Variants in FBN2 observed in about 807,000 individuals in gnomAD.
The protein encoded by FBN2 is fibrillin-2.
FBN2 carries 105 observed loss-of-function variants against 355.6 expected under a neutral mutation model. That is an observed-to-expected ratio of 0.30 (90% CI 0.25 to 0.35). FBN2 has a LOEUF of 0.35. Ranked by LOEUF, FBN2 falls within the 10% of genes least tolerant of loss-of-function variation. The probability of loss-of-function intolerance (pLI) is 1.00; values close to 1 mark genes in which losing one functional copy is unlikely to be tolerated. For synonymous variants in FBN2, 1,350 were observed against 1,301.2 expected (o/e 1.04, Z -0.81); for missense variants, 3,280 against 3,758.7 (o/e 0.87, Z 3.33).
At chr5:128,271,958 A>G in intron 62 of FBN2, 41 bp downstream of exon 62, 7 of 1,609,468 alleles carry the variant, frequency 4.3e-6, no homozygotes, top group Non-Finnish European at 6.0e-6. Context: ...AGACACTTTC[A>G]GGTGAGAAAA....
intron 64 of FBN2, among the ~76,000 whole-genome samples, chr5:128,260,652 T>C (rs1274932155): frequency 2.6e-5 from 4 of 152,214 alleles, no homozygotes; most frequent in African/African-American, 9.6e-5. Flanking sequence ...GATGAATATC[T>C]CAACTGTCAA....
chr5:128,536,594 A>C, intron 1 of FBN2, 110 bp from the exon 2 acceptor site: 1 of 776,554 alleles, frequency 1.3e-6, no homozygotes, highest in Non-Finnish European at 2.3e-6. Flanking sequence ...ACAACAAACA[A>C]ATCAAAATTA....
chr5:128,258,626 C>T lies in FBN2; in HGVS notation c.*829G>A, dbSNP rs1415789484. ...GTGTTGTGGGTAGCACATATGGTTC[C>T]TTGAGGTTATGAGAAGGAAATACAG... On this transcript the variant is annotated 3_prime_UTR_variant, in exon 65 of 65. Transcript: ENST00000262464. The T allele has an allele frequency of 6.6e-6, 1 of 152,520 alleles. No individual in the cohort carries two copies. Among genetic ancestry groups the T allele is most frequent in the Non-Finnish European group, 1.5e-5 (1 of 68,056 alleles). The allele number at this position is 152,520 out of a possible 1,614,324, so 9.4% of individuals were successfully genotyped here.
At chr5:128,265,496 C>CT (rs1301671826) in intron 62 of FBN2, among the ~76,000 whole-genome samples, 1 of 152,068 alleles carries the variant, frequency 6.6e-6, no homozygotes, top group African/African-American at 2.4e-5. Flanking sequence ...CTGACACATA[C>CT]TTTGAACTGA....
chr5:128,319,751 C>T (rs944765066), intron 34 of FBN2, among the ~76,000 whole-genome samples: 9 of 152,114 alleles, frequency 5.9e-5, no homozygotes, highest in African/African-American at 2.2e-4. Flanking sequence ...TTCCATGAGG[C>T]TTTAACTCAA....
chr5:128,466,514 T>C (rs1468143621), intron 5 of FBN2, among the ~76,000 whole-genome samples: 1 of 152,174 alleles, frequency 6.6e-6, no homozygotes, highest in Non-Finnish European at 1.5e-5. Flanking sequence ...TAGGAAGCCT[T>C]AGATATCATA....
At position 128,289,925 on chromosome 5, in the gene FBN2, T is replaced by C. The variant is rs761651783; in HGVS notation, c.6468A>G (p.Pro2156=). 10 of 1,605,058 alleles carry C rather than the reference T, an allele frequency of 6.2e-6. No homozygotes were observed. The highest frequency in any genetic ancestry group is 7.7e-6 in the Non-Finnish European group (9 of 1,171,964). The change falls in exon 51 of 65, where the codon CCA becomes CCG. Residue 2156 remains proline, a synonymous_variant. Coordinates refer to ENST00000262464, the MANE Select transcript of FBN2 (RefSeq NM_001999.4). ...GACTAGGGACAGTTCCATGGCCATA[T>C]GGACACAAATCCTGAAATGCAACTA... ...DDEVAFQDLC[P]YGHGTVPSLH...
intron 7 of FBN2, among the ~76,000 whole-genome samples, chr5:128,409,656 C>T (rs142864882): frequency 3.0e-4 from 45 of 152,206 alleles, no homozygotes; most frequent in Middle Eastern, 3.4e-3. Context: ...GAAAAATCCA[C>T]CCAAATTCCT....
intron 6 of FBN2, among the ~76,000 whole-genome samples, chr5:128,455,735 T>A (rs1754364677): frequency 6.6e-6 from 1 of 150,440 alleles, no homozygotes; most frequent in East Asian, 2.0e-4. Context: ...CTAAGGGAGG[T>A]CATGAGTGAG....
rs115307235 is a variant in FBN2 at position 128,495,133 on chromosome 5, T to C, written c.628+24140A>G. Among the ~76,000 whole-genome samples the C allele has an allele frequency of 2.5e-3, 375 of 152,094 alleles. 1 individual carries two copies. The highest frequency in any genetic ancestry group is 8.8e-3 in the African/African-American group (364 of 41,502). Reference sequence around the variant, plus strand: ...AAGAACCAAGTAGAAATTCTGGAGATAGAAAGTACAATAATTGAAATAAAA... The same window carrying C: ...AAGAACCAAGTAGAAATTCTGGAGACAGAAAGTACAATAATTGAAATAAAA... On this transcript the variant is annotated intron_variant, in intron 5 of 64. Coordinates refer to ENST00000262464, the MANE Select transcript of FBN2 (RefSeq NM_001999.4).
chr5:128,465,906 C>T (rs1311235848), intron 5 of FBN2, among the ~76,000 whole-genome samples: 1 of 152,144 alleles, frequency 6.6e-6, no homozygotes, highest in Non-Finnish European at 1.5e-5. Flanking sequence ...CCCACTAACC[C>T]AGGTTCTGCA....
intron 5 of FBN2, among the ~76,000 whole-genome samples, chr5:128,478,377 T>G (rs1012718893): frequency 6.6e-6 from 1 of 152,224 alleles, no homozygotes; most frequent in Non-Finnish European, 1.5e-5. Context: ...AGATGAGGCA[T>G]GTATAAAAGC....
intron 6 of FBN2, among the ~76,000 whole-genome samples, chr5:128,451,055 T>A (rs1345041795): frequency 6.6e-6 from 1 of 152,152 alleles, no homozygotes; most frequent in Non-Finnish European, 1.5e-5. Context: ...TTTTTCTGCA[T>A]CTTGTTTTTC....
At chr5:128,358,579 G>C (rs909192914) in intron 19 of FBN2, among the ~76,000 whole-genome samples, 51 of 152,048 alleles carry the variant, frequency 3.4e-4, no homozygotes, top group Non-Finnish European at 2.5e-4. Flanking sequence ...GAAGAAATAT[G>C]AATGTATTTT....
At chr5:128,502,594 A>G (rs1230508290) in intron 5 of FBN2, among the ~76,000 whole-genome samples, 1 of 106,414 alleles carries the variant, frequency 9.4e-6, no homozygotes, top group Non-Finnish European at 1.8e-5. Context: ...GTGAGGTGAA[A>G]AAAAGCAACA....
intron 7 of FBN2, among the ~76,000 whole-genome samples, chr5:128,437,404 G>T (rs1327538283): frequency 6.6e-6 from 1 of 152,162 alleles, no homozygotes; most frequent in Admixed American, 6.5e-5. Context: ...AAACTCTTTT[G>T]TAACGTTTAA....
intron 1 of FBN2, among the ~76,000 whole-genome samples, chr5:128,536,894 G>T (rs759888413): frequency 1.6e-4 from 24 of 152,042 alleles, no homozygotes; most frequent in Non-Finnish European, 3.4e-4. Context: ...AAAGCGCGTC[G>T]CAAGGTGGAG....
chr5:128,303,040 G>A lies in FBN2; in HGVS notation c.5850C>T (p.Asn1950=). 6.2e-7 allele frequency: 1 copy of A among 1,612,856 alleles called. No homozygotes were observed. Among genetic ancestry groups the A allele is most frequent in the Non-Finnish European group, 8.5e-7 (1 of 1,178,968 alleles). Residue 1950 remains asparagine, a synonymous_variant, in exon 46 of 65, where the codon AAC becomes AAT. Transcript: ENST00000262464. ...ACAGACAGTTATAGGATCCAACGGT[G>A]TTTTTACAAGTTCCATTTCCACATG... ...RHPCGNGTCK[N]TVGSYNCLCY... is the part of the protein sequence containing the mutation.
Position 128,366,572 on chromosome 5 carries a change from G to C in FBN2, c.2249-142C>G. ...AAGTGAAAAAAATTACCATTTTCTA[G>C]CAAACAATTATTATAAAATTCTGAA... On this transcript the variant is annotated intron_variant, in intron 16 of 64. Coordinates refer to ENST00000262464, the MANE Select transcript of FBN2 (RefSeq NM_001999.4). 5 of 519,836 alleles carry C rather than the reference G, an allele frequency of 9.6e-6. No homozygotes were observed. In the South Asian group the frequency reaches 1.5e-4, roughly 15 times the overall value. The allele number at this position is 519,836 out of a possible 1,614,324, so 32.2% of individuals were successfully genotyped here.
Sources: gnomAD v4.1 joint callset for allele counts (sites outside exome capture counted in the v4.1 genomes callset) on GRCh38, gnomAD v4.1.1 for gene constraint, MANE v1.5 for transcripts, NCBI Gene and HGNC (gene_info 2026-07-23, HGNC 2026-07-21) for gene names.